The following ANO4 variants were observed in gnomAD, a reference collection of about 807,000 sequenced individuals.
ANO4 encodes the protein anoctamin 4, also known as anoctamin-4.
ANO4 carries 69 observed loss-of-function variants against 141.9 expected under a neutral mutation model. That is an observed-to-expected ratio of 0.49 (90% CI 0.40 to 0.59). The LOEUF is 0.59. ANO4 is among the 20% of genes least tolerant of loss of function. The probability of loss-of-function intolerance (pLI) is 0.00; values close to 1 mark genes in which losing one functional copy is unlikely to be tolerated. For synonymous variants in ANO4, 350 were observed against 394.3 expected, an observed-to-expected ratio of 0.89 and a Z score of 1.33; for missense variants, 894 against 1,162.2, an observed-to-expected ratio of 0.77 and a Z score of 3.36.
At position 101,032,217 on chromosome 12, in the gene ANO4, A is replaced by G. The variant is rs547535370; in HGVS notation, c.842-4878A>G. Among the ~76,000 whole-genome samples the G allele has an allele frequency of 4.6e-5, 7 of 152,228 alleles. No homozygotes were observed. The South Asian group carries it at 6.2e-4, about 14-fold the overall frequency. ...CTGCAGTAACCAAAACAGCATGATA[A>G]TGGTACCAAAACAGACACATAGACC... On this transcript the variant is annotated intron_variant, in intron 9 of 27. Transcript: ENST00000392977.
At chr12:100,951,087 A>G (rs1389458763) in intron 5 of ANO4, among the ~76,000 whole-genome samples, 2 of 152,222 alleles carry the variant, frequency 1.3e-5, no homozygotes, top group East Asian at 3.9e-4. Context: ...TAAAAGCTCA[A>G]TATCACTAAT....
intron 1 of ANO4, among the ~76,000 whole-genome samples, chr12:100,865,071 G>C (rs1045658508): frequency 1.3e-5 from 2 of 152,138 alleles, no homozygotes; most frequent in Admixed American, 1.3e-4. Flanking sequence ...TTGCTATCGT[G>C]AATAGTGCTG....
At chr12:100,717,291 C>A (rs1388763494), upstream of ANO4, among the ~76,000 whole-genome samples, 4 of 151,824 alleles carry the variant, frequency 2.6e-5, no homozygotes, top group Non-Finnish European at 5.9e-5. Context: ...GCGCGGCTGC[C>A]GGTCTACGCC....
At chr12:100,738,727 G>A (rs2031718698) in intron 2 of ANO4, among the ~76,000 whole-genome samples, 1 of 151,642 alleles carries the variant, frequency 6.6e-6, no homozygotes, top group Non-Finnish European at 1.5e-5. Context: ...TAATGTCTTG[G>A]TATACATAGT....
At chr12:101,036,183 C>G (rs1392137762) in intron 9 of ANO4, among the ~76,000 whole-genome samples, 3 of 152,052 alleles carry the variant, frequency 2.0e-5, no homozygotes, top group Non-Finnish European at 4.4e-5. Context: ...TAGAATGGCT[C>G]TTATCAAAAA....
intron 9 of ANO4, among the ~76,000 whole-genome samples, chr12:101,023,257 TA>T (rs2046604069): frequency 6.6e-6 from 1 of 152,224 alleles, no homozygotes; most frequent in Admixed American, 6.5e-5. Context: ...CAGTGATTTT[TA>T]AATGTTCTGA....
chr12:101,029,017 G>C (rs936982351), intron 9 of ANO4, among the ~76,000 whole-genome samples: 1 of 152,082 alleles, frequency 6.6e-6, no homozygotes, highest in Non-Finnish European at 1.5e-5. Context: ...AGAGATTGGG[G>C]GCCAGTATTC....
intron 1 of ANO4, among the ~76,000 whole-genome samples, chr12:100,814,432 C>T (rs779477013): frequency 9.9e-5 from 15 of 152,108 alleles, no homozygotes; most frequent in South Asian, 2.1e-4. Context: ...TGACAACATG[C>T]GTAGAGAGCA....
intron 1 of ANO4, among the ~76,000 whole-genome samples, chr12:100,872,083 C>T (rs1565955732): frequency 6.6e-6 from 1 of 152,146 alleles, no homozygotes; most frequent in Non-Finnish European, 1.5e-5. Context: ...TTTTCCTAGT[C>T]TTAGTATTAG....
chr12:100,915,485 T>A (rs142049523), intron 2 of ANO4, among the ~76,000 whole-genome samples: 1 of 152,322 alleles, frequency 6.6e-6, no homozygotes, highest in East Asian at 1.9e-4. Context: ...AAGTCTGTTT[T>A]ACACACTCCC....
chr12:100,926,626 GTGTT>G (rs554896699), intron 3 of ANO4, among the ~76,000 whole-genome samples: 1 of 151,934 alleles, frequency 6.6e-6, no homozygotes, highest in African/African-American at 2.4e-5. Context: ...GTGTGTGTGT[GTGTT>G]TGTTTCTTTT....
chr12:100,877,363 A>C (rs2039363454), intron 1 of ANO4, among the ~76,000 whole-genome samples: 1 of 151,242 alleles, frequency 6.6e-6, no homozygotes, highest in South Asian at 2.1e-4. Context: ...GATATTATAT[A>C]TATATATCAA....
intron 17 of ANO4, among the ~76,000 whole-genome samples, chr12:101,087,541 CAAAA>C (rs2049557201): frequency 6.6e-6 from 1 of 151,988 alleles, no homozygotes; most frequent in South Asian, 2.1e-4. Flanking sequence ...CAAAAACAAA[CAAAA>C]ACCAAAGCAT....
intron 2 of ANO4, among the ~76,000 whole-genome samples, chr12:100,909,637 T>C (rs930388042): frequency 6.6e-6 from 1 of 152,146 alleles, no homozygotes; most frequent in Non-Finnish European, 1.5e-5. Flanking sequence ...ACATATGGTC[T>C]ACCAATTTGA....
In ANO4 at chr12:101,037,141, C is replaced by G. The variant is rs2047231828; in HGVS notation, c.888C>G (p.Pro296=). 1.9e-6 allele frequency: 3 copies of G among 1,613,718 alleles called. No homozygotes were observed. Among genetic ancestry groups the G allele is most frequent in the Non-Finnish European group, 2.5e-6 (3 of 1,179,836 alleles). Residue 296 remains proline, a synonymous_variant, in exon 10 of 28, where the codon CCC becomes CCG. Transcript: ENST00000392977. The part of the protein sequence containing the change: ...LTNGSYEAAF[P]LHEGSYRSKN... ...ATGGCTCCTATGAAGCTGCGTTTCC[C>G]CTGCATGAGGTATTGTGCTGTCTTT...
intron 1 of ANO4, among the ~76,000 whole-genome samples, chr12:100,728,989 T>A (rs922151732): frequency 6.6e-5 from 10 of 152,084 alleles, no homozygotes; most frequent in Non-Finnish European, 1.2e-4. Flanking sequence ...CAAACTCACT[T>A]CTTCCCCGTC....
At chr12:100,825,026 A>T (rs17030625) in intron 1 of ANO4, among the ~76,000 whole-genome samples, 7,686 of 152,126 alleles carry the variant, frequency 0.051, 228 homozygotes, top group Middle Eastern at 0.088. Flanking sequence ...TTGTTATAAA[A>T]TGGTGTGTTT....
Position 101,042,379 on chromosome 12 carries a change from C to T in ANO4, c.1065C>T (p.Gly355=). The change falls in exon 12 of 28, where the codon GGC becomes GGT. Residue 355 remains glycine (G), a synonymous_variant. Coordinates refer to ENST00000392977, the MANE Select transcript of ANO4 (RefSeq NM_001286615.2). ...EKIGLYFAWL[G]WYTGMLFPAA... Reference sequence around the variant, plus strand: ...TTGGGTTATATTTTGCCTGGTTGGGCTGGTACACCGGCATGCTCTTCCCAG... The same window carrying T: ...TTGGGTTATATTTTGCCTGGTTGGGTTGGTACACCGGCATGCTCTTCCCAG... 6.2e-7 allele frequency: 1 copy of T among 1,614,126 alleles called. No individual in the cohort carries two copies. The highest frequency in any genetic ancestry group is 8.5e-7 in the Non-Finnish European group (1 of 1,180,016).
chr12:100,768,839 C>G (rs1417148640), intron 3 of ANO4, among the ~76,000 whole-genome samples: 1 of 152,140 alleles, frequency 6.6e-6, no homozygotes, highest in Non-Finnish European at 1.5e-5. Flanking sequence ...TTAGACCTTT[C>G]AGGGAGTGTG....
Sources: allele counts gnomAD v4.1 joint callset (sites outside exome capture counted in the v4.1 genomes callset), GRCh38; gene constraint gnomAD v4.1.1; transcripts MANE v1.5; gene names NCBI Gene and HGNC (gene_info 2026-07-23, HGNC 2026-07-21).